AGPAT2: variants seen among roughly 807,000 people sequenced by gnomAD.
The protein encoded by AGPAT2 is 1-acyl-sn-glycerol-3-phosphate acyltransferase beta.
A neutral mutation model predicts 26.1 loss-of-function variants in AGPAT2; 18 were observed. The observed-to-expected ratio is 0.69, with a 90% confidence interval of 0.48 to 1.02. The LOEUF is 1.02. Ranked by LOEUF, AGPAT2 falls within the 50% of genes least tolerant of loss-of-function variation. AGPAT2 has a pLI of 0.00. For missense variants in AGPAT2, 415 were observed against 394.9 expected (o/e 1.05, Z -0.43); for synonymous variants, 200 against 174.2 (o/e 1.15, Z -1.16).
chr9:136,682,522 G>C (rs914415570), intron 1 of AGPAT2, among the ~76,000 whole-genome samples: 1 of 151,840 alleles, frequency 6.6e-6, no homozygotes, highest in East Asian at 1.9e-4. Flanking sequence ...GGGGAGCAGG[G>C]GCAAAGCCAA....
In AGPAT2 at chr9:136,677,091, C is replaced by T. The variant is rs1295243261; in HGVS notation, c.362G>A (p.Arg121Gln). The T allele has an allele frequency of 3.7e-6, 6 of 1,613,054 alleles. No individual in the cohort carries two copies. Among genetic ancestry groups the T allele is most frequent in the African/African-American group, 2.7e-5 (2 of 74,900 alleles). The change falls in exon 3 of 6, where the codon CGG (arginine) becomes CAG (glutamine). Residue 121 changes from arginine to glutamine, a missense_variant. Arg to Gln is a conservative substitution (Grantham distance 43). Coordinates refer to ENST00000371696, the MANE Select transcript of AGPAT2 (RefSeq NM_006412.4). ...CACGGGCCCCAGGAAGAGCAGCTCCCGCTTGGCGATCTGCACGCAGCGCTC... is the reference window on the plus strand; with the variant it reads ...CACGGGCCCCAGGAAGAGCAGCTCCTGCTTGGCGATCTGCACGCAGCGCTC... ...LPERCVQIAKRELLFLGPVGL... is the reference protein window; with the variant it reads ...LPERCVQIAKQELLFLGPVGL...
At chr9:136,677,281 C>G (rs1846104900) in intron 2 of AGPAT2, 142 bp downstream of exon 2, 2 of 1,509,004 alleles carry the variant, frequency 1.3e-6, no homozygotes, top group Non-Finnish European at 1.8e-6. Flanking sequence ...GCCTCTGTGT[C>G]TGGCCCTGAG....
chr9:136,680,881 G>A (rs1846150804), intron 1 of AGPAT2, among the ~76,000 whole-genome samples: 1 of 151,586 alleles, frequency 6.6e-6, no homozygotes, highest in African/African-American at 2.4e-5. Flanking sequence ...CGGCCAGGCT[G>A]GTCTCAAACT....
chr9:136,674,029 C>T lies in AGPAT2; in HGVS notation c.662-102G>A, dbSNP rs1401955006. 15 of 1,212,076 alleles carry T rather than the reference C, an allele frequency of 1.2e-5. No homozygotes were observed. In the East Asian group the frequency reaches 2.4e-4, roughly 19 times the overall value. The allele number at this position is 1,212,076 out of a possible 1,614,324, so 75.1% of individuals were successfully genotyped here. ...CTCCCCAGCCCCCCACAGCCCCTCCCTGGGAAGCCCGAGGCCGGGCTCTTC... is the reference window on the plus strand; with the variant it reads ...CTCCCCAGCCCCCCACAGCCCCTCCTTGGGAAGCCCGAGGCCGGGCTCTTC... On this transcript the variant is annotated intron_variant, in intron 5 of 5. Coordinates refer to ENST00000371696, the MANE Select transcript of AGPAT2 (RefSeq NM_006412.4).
intron 1 of AGPAT2, 142 bp from the exon 2 acceptor site, chr9:136,677,698 G>A: frequency 9.7e-7 from 1 of 1,031,916 alleles, no homozygotes; most frequent in Non-Finnish European, 1.5e-6. Context: ...CACAGGGGAG[G>A]GAGCCCCTGA....
At chr9:136,677,807 T>C (rs1257092955) in intron 1 of AGPAT2, among the ~76,000 whole-genome samples, 1 of 152,172 alleles carries the variant, frequency 6.6e-6, no homozygotes, top group Non-Finnish European at 1.5e-5. Context: ...GGAACTCGGA[T>C]GCTAGGAGCA....
rs1846098633 is a variant in AGPAT2 at position 136,676,979 on chromosome 9, CTCGCCCAGG to C, written c.465_473del (p.Asp155_Gly157del). On this transcript the variant is annotated inframe_deletion, in exon 3 of 6. Transcript: ENST00000371696. ...CACTCACGTTCTCCCTGACCATGCG[CTCGCCCAGG>C]TCGGCCATCACTGTCATGGCAGTGC... The C allele has an allele frequency of 6.2e-7, 1 of 1,611,830 alleles. No individual in the cohort carries two copies. The highest frequency in any genetic ancestry group is 1.3e-5 in the African/African-American group (1 of 74,824).
intron 1 of AGPAT2, among the ~76,000 whole-genome samples, chr9:136,681,065 G>C (rs548436161): frequency 2.7e-4 from 41 of 151,634 alleles, no homozygotes; most frequent in Admixed American, 1.4e-3. Flanking sequence ...ATTCACTGCC[G>C]TGTGGCCAGC....
Position 136,686,488 on chromosome 9 carries a change from T to A in AGPAT2, c.182+688A>T, listed in dbSNP as rs543152898. 8.5e-5 allele frequency among the ~76,000 whole-genome samples: 13 copies of A among 152,330 alleles called. No homozygotes were observed. In the East Asian group the frequency reaches 2.3e-3, roughly 27 times the overall value. ...CTGGCAAAACCAAGCTCCCACCTTC[T>A]GGAAGGCGTCCAGGGGAAAATTTCA... On this transcript the variant is annotated intron_variant, in intron 1 of 5. Transcript: ENST00000371696.
Position 136,677,028 on chromosome 9 carries a change from T to C in AGPAT2, c.425A>G (p.Asn142Ser), listed in dbSNP as rs748422913. 1 of 1,559,846 alleles carries C rather than the reference T, an allele frequency of 6.4e-7. No individual in the cohort carries two copies. Among genetic ancestry groups the C allele is most frequent in the South Asian group, 1.1e-5 (1 of 90,302 alleles). ...CATGGCAGTGCTAGAGCGCTGCCGG[T>C]TGATGAAGAAGACGCCCCCGAGGTA... ...IMYLGGVFFI[N>S]RQRSSTAMTV... is the part of the protein sequence containing the mutation. The change falls in exon 3 of 6, where the codon AAC becomes AGC. Residue 142 changes from asparagine (N) to serine (S), a missense_variant. By Grantham distance (46) the Asn-to-Ser change is conservative. Coordinates refer to ENST00000371696, the MANE Select transcript of AGPAT2 (RefSeq NM_006412.4).
rs745429291 is a variant in AGPAT2 at position 136,687,306 on chromosome 9, CCAGCAGCAG to C, written c.43_51del (p.Leu15_Leu17del). On this transcript the variant is annotated inframe_deletion, in exon 1 of 6. Transcript: ENST00000371696. Reference sequence around the variant, plus strand: ...AACTCGGCCGCGCGGCTCAGCTGCACCAGCAGCAGCAGCAACAGCAGCGCCGCGGCCAGA... The same window carrying C: ...AACTCGGCCGCGCGGCTCAGCTGCACCAGCAACAGCAGCGCCGCGGCCAGA... 3 of 1,575,590 alleles carry C rather than the reference CCAGCAGCAG, an allele frequency of 1.9e-6. No homozygotes were observed. Among genetic ancestry groups the C allele is most frequent in the Middle Eastern group, 1.7e-4 (1 of 5,944 alleles).
chr9:136,680,239 AT>A lies in AGPAT2; in HGVS notation c.183-2684del, dbSNP rs541869255. Among the ~76,000 whole-genome samples the A allele has an allele frequency of 2.1e-4, 32 of 152,126 alleles. 1 individual carries two copies. In the South Asian group the frequency reaches 4.8e-3, roughly 23 times the overall value. ...AGTTCCATCTTTTATTTACTTTTTT[AT>A]TTTTGAGACAGGGTCTCACTCTGTC... On this transcript the variant is annotated intron_variant, in intron 1 of 5. Coordinates refer to ENST00000371696, the MANE Select transcript of AGPAT2 (RefSeq NM_006412.4).
At chr9:136,678,267 G>T (rs1312518262) in intron 1 of AGPAT2, among the ~76,000 whole-genome samples, 2 of 152,194 alleles carry the variant, frequency 1.3e-5, no homozygotes, top group African/African-American at 2.4e-5. Flanking sequence ...CTCTGGCAGG[G>T]GCCCAGCCCA....
At chr9:136,686,248 G>T (rs1270805545) in intron 1 of AGPAT2, among the ~76,000 whole-genome samples, 3 of 152,238 alleles carry the variant, frequency 2.0e-5, no homozygotes, top group African/African-American at 7.2e-5. Context: ...CGGGGAAGGG[G>T]GCCTCTGGGG....
At chr9:136,685,230 T>C (rs1846207998) in intron 1 of AGPAT2, among the ~76,000 whole-genome samples, 2 of 152,198 alleles carry the variant, frequency 1.3e-5, no homozygotes, top group African/African-American at 4.8e-5. Flanking sequence ...TGAGCCTGGG[T>C]GCTGCCCTGG....
chr9:136,676,925 AC>A lies in AGPAT2; in HGVS notation c.492+35del, dbSNP rs2119184624. ...CCCTGCCTGGCCCCGCCCAGGCCCCACCCCAACCCCACCGAGCCCGGCCCTG... is the reference window on the plus strand; with the variant it reads ...CCCTGCCTGGCCCCGCCCAGGCCCCACCCAACCCCACCGAGCCCGGCCCTG... On this transcript the variant is annotated intron_variant, in intron 3 of 5. Coordinates refer to ENST00000371696, the MANE Select transcript of AGPAT2 (RefSeq NM_006412.4). 5.8e-6 allele frequency: 3 copies of A among 521,458 alleles called. No homozygotes were observed. In the East Asian group the frequency reaches 1.7e-4, roughly 30 times the overall value. 32.3% of individuals were successfully genotyped at this position (521,458 alleles called of 1,614,324 possible). A position where few individuals can be genotyped will look rare whatever the true frequency, so the allele number is the denominator to read the frequency against.
intron 1 of AGPAT2, among the ~76,000 whole-genome samples, chr9:136,684,680 G>A (rs1846201268): frequency 6.6e-6 from 1 of 152,300 alleles, no homozygotes. Context: ...GGGAACAAGG[G>A]GAAAGGGAAA....
At chr9:136,685,652 G>T (rs1846212295) in intron 1 of AGPAT2, among the ~76,000 whole-genome samples, 1 of 152,160 alleles carries the variant, frequency 6.6e-6, no homozygotes, top group Admixed American at 6.5e-5. Context: ...ATGCCCTGCA[G>T]GCATCAGAAC....
intron 1 of AGPAT2, among the ~76,000 whole-genome samples, chr9:136,684,644 G>A (rs1047708029): frequency 1.3e-5 from 2 of 152,208 alleles, no homozygotes; most frequent in Admixed American, 1.3e-4. Context: ...CCGCAGGGCT[G>A]CCTCACCAGC....
Sources: gnomAD v4.1 joint callset for allele counts (sites outside exome capture counted in the v4.1 genomes callset) on GRCh38, gnomAD v4.1.1 for gene constraint, MANE v1.5 for transcripts, NCBI Gene and HGNC (gene_info 2026-07-23, HGNC 2026-07-21) for gene names.